ATP8A2: variants seen among roughly 807,000 people sequenced by gnomAD.
ATP8A2 encodes phospholipid-transporting ATPase IB.
In ATP8A2, 100 loss-of-function variants were observed where a neutral mutation model predicts 165.6. The observed-to-expected ratio is 0.60, with a 90% CI of 0.51 to 0.71. ATP8A2 has a LOEUF of 0.71. Among genes scored for constraint, ATP8A2 ranks in the 30% least tolerant of loss-of-function variants. The pLI is 0.00. For missense variants in ATP8A2, 1,227 were observed against 1,479.5 expected (o/e 0.83, Z 2.80); for synonymous variants, 543 against 548.8 (o/e 0.99, Z 0.15).
intron 33 of ATP8A2, among the ~76,000 whole-genome samples, chr13:25,909,799 G>A (rs1229368468): frequency 1.3e-5 from 2 of 151,924 alleles, no homozygotes; most frequent in Admixed American, 6.6e-5. Flanking sequence ...AGGAATTCCC[G>A]CCGCCCTCCC....
At chr13:25,973,116 G>A (rs552963056) in intron 35 of ATP8A2, among the ~76,000 whole-genome samples, 2 of 152,268 alleles carry the variant, frequency 1.3e-5, no homozygotes, top group Non-Finnish European at 2.9e-5. Flanking sequence ...AAACAGACCC[G>A]GTTGCTGCCC....
intron 33 of ATP8A2, among the ~76,000 whole-genome samples, chr13:25,894,467 A>G (rs533629798): frequency 2.0e-4 from 30 of 152,238 alleles, no homozygotes; most frequent in African/African-American, 5.5e-4. Context: ...GTCAGGTAGC[A>G]TGATGCCTCC....
At chr13:25,707,778 G>T (rs78238612) in intron 25 of ATP8A2, among the ~76,000 whole-genome samples, 1 of 152,028 alleles carries the variant, frequency 6.6e-6, no homozygotes, top group Non-Finnish European at 1.5e-5. Flanking sequence ...TTTCCTAATG[G>T]TTCTGAAACC....
intron 2 of ATP8A2, among the ~76,000 whole-genome samples, chr13:25,508,608 T>C (rs1228750414): frequency 1.3e-5 from 2 of 152,244 alleles, no homozygotes; most frequent in Non-Finnish European, 2.9e-5. Flanking sequence ...CCTCTGATTA[T>C]GTGTGAATAC....
intron 33 of ATP8A2, among the ~76,000 whole-genome samples, chr13:25,955,376 T>C (rs1221046051): frequency 6.6e-6 from 1 of 152,114 alleles, no homozygotes; most frequent in Non-Finnish European, 1.5e-5. Context: ...AATAGACTGC[T>C]AGCCAGACTA....
chr13:25,843,091 C>T (rs1349442351), intron 30 of ATP8A2, among the ~76,000 whole-genome samples: 1 of 152,158 alleles, frequency 6.6e-6, no homozygotes, highest in African/African-American at 2.4e-5. Flanking sequence ...TATCAGCAAG[C>T]CAGGCACTGC....
chr13:25,712,710 G>A (rs920547645), intron 25 of ATP8A2, among the ~76,000 whole-genome samples: 3 of 152,170 alleles, frequency 2.0e-5, no homozygotes, highest in African/African-American at 7.2e-5. Flanking sequence ...ATACTGCTCA[G>A]GCTATGTATT....
chr13:25,693,333 T>G (rs1010441732), intron 24 of ATP8A2, among the ~76,000 whole-genome samples: 1 of 152,180 alleles, frequency 6.6e-6, no homozygotes, highest in Non-Finnish European at 1.5e-5. Context: ...TTCCACCACA[T>G]GTGTGTGGTG....
chr13:25,646,761 A>G (rs1244752045), intron 24 of ATP8A2, among the ~76,000 whole-genome samples: 1 of 151,756 alleles, frequency 6.6e-6, no homozygotes, highest in African/African-American at 2.4e-5. Flanking sequence ...ATAGGCAAGG[A>G]CTTAGTATTT....
chr13:25,532,506 T>G (rs964943271), intron 5 of ATP8A2, among the ~76,000 whole-genome samples, 189 bp downstream of exon 5: 1 of 152,176 alleles, frequency 6.6e-6, no homozygotes, highest in Non-Finnish European at 1.5e-5. Flanking sequence ...TTGAACAGCA[T>G]TTGTGTATTT....
At chr13:25,808,530 C>G (rs1044844559) in intron 27 of ATP8A2, among the ~76,000 whole-genome samples, 1 of 150,522 alleles carries the variant, frequency 6.6e-6, no homozygotes, top group African/African-American at 2.4e-5. Context: ...ACTGGGGAGG[C>G]AGAGGTTGCA....
At chr13:25,390,924 CA>C (rs201934356) in intron 1 of ATP8A2, among the ~76,000 whole-genome samples, 14,612 of 115,988 alleles carry the variant, frequency 0.13, 1,351 homozygotes, top group African/African-American at 0.28. Flanking sequence ...GACTCCGTCT[CA>C]AAAAAAAAAA....
At chr13:25,982,954 A>G (rs1956199719) in intron 35 of ATP8A2, among the ~76,000 whole-genome samples, 2 of 152,214 alleles carry the variant, frequency 1.3e-5, no homozygotes, top group South Asian at 4.1e-4. Context: ...CTCAAAGGAT[A>G]TAACCACATC....
chr13:25,393,667 C>T (rs1012784070), intron 1 of ATP8A2, among the ~76,000 whole-genome samples: 1 of 152,196 alleles, frequency 6.6e-6, no homozygotes, highest in African/African-American at 2.4e-5. Flanking sequence ...CTGCCTGCCT[C>T]GGCCTCCTAA....
chr13:25,663,128 A>G (rs538648322), intron 24 of ATP8A2, among the ~76,000 whole-genome samples: 3 of 152,338 alleles, frequency 2.0e-5, no homozygotes, highest in Non-Finnish European at 2.9e-5. Flanking sequence ...TAAGATAACT[A>G]TCTTGGCCCA....
chr13:25,915,491 G>A (rs1365090332), intron 33 of ATP8A2, among the ~76,000 whole-genome samples: 2 of 152,208 alleles, frequency 1.3e-5, no homozygotes, highest in African/African-American at 2.4e-5. Flanking sequence ...ATTAGCTCAG[G>A]AGCTGGAGCC....
At chr13:25,838,951 C>T (rs1315956227) in intron 29 of ATP8A2, among the ~76,000 whole-genome samples, 1 of 151,808 alleles carries the variant, frequency 6.6e-6, no homozygotes, top group African/African-American at 2.4e-5. Flanking sequence ...TTTTTTCTGA[C>T]CTTTAAACAT....
chr13:25,992,810 G>T (rs1412686037), intron 35 of ATP8A2, among the ~76,000 whole-genome samples: 2 of 151,424 alleles, frequency 1.3e-5, no homozygotes, highest in African/African-American at 2.4e-5. Flanking sequence ...CTAGCATTAG[G>T]TATATCTCCC....
chr13:25,512,706 C>T (rs1412822000), intron 2 of ATP8A2, among the ~76,000 whole-genome samples: 115 of 146,276 alleles, frequency 7.9e-4, no homozygotes, highest in Admixed American at 2.7e-3. Flanking sequence ...ACCTCCCTCC[C>T]GGACGGGGCA....
Sources: allele counts gnomAD v4.1 joint callset (sites outside exome capture counted in the v4.1 genomes callset), GRCh38; gene constraint gnomAD v4.1.1; transcripts MANE v1.5; gene names NCBI Gene and HGNC (gene_info 2026-07-23, HGNC 2026-07-21).